The following DMXL2 variants were observed in gnomAD, a reference collection of about 807,000 sequenced individuals.
DMXL2 encodes the protein Dmx like 2, also known as dmX-like protein 2.
In DMXL2, 103 loss-of-function variants were observed where a neutral mutation model predicts 331.1. The ratio of observed to expected loss-of-function variants is 0.31; its 90% CI spans 0.27 to 0.37. DMXL2 has a LOEUF of 0.37. Among genes scored for constraint, DMXL2 ranks in the 10% least tolerant of loss-of-function variants. DMXL2 has a pLI of 1.00. For synonymous variants in DMXL2, 1,281 were observed against 1,252.1 expected, an observed-to-expected ratio of 1.02 and a Z score of -0.49; for missense variants, 3,171 against 3,642.9, an observed-to-expected ratio of 0.87 and a Z score of 3.33.
In DMXL2 at chr15:51,569,374, G is replaced by A. The variant is rs527859286; in HGVS notation, c.214-816C>T. ...CACAGCTCCCCGAGACAGAGCACGT[G>A]GGGGAAGGGGCGGCTGCAGGCACAG... On this transcript the variant is annotated intron_variant, in intron 2 of 43. Transcript: ENST00000560891. Among the ~76,000 whole-genome samples the A allele has an allele frequency of 2.9e-4, 44 of 152,238 alleles. 1 individual carries two copies. In the East Asian group the frequency reaches 8.3e-3, roughly 29 times the overall value.
At chr15:51,572,972 A>G (rs1004120358) in intron 2 of DMXL2, among the ~76,000 whole-genome samples, 7 of 152,232 alleles carry the variant, frequency 4.6e-5, no homozygotes, top group African/African-American at 1.7e-4. Flanking sequence ...AGGGTATTCA[A>G]TTAGGAAGAG....
chr15:51,581,421 T>C (rs925674716), intron 1 of DMXL2, among the ~76,000 whole-genome samples: 1 of 152,126 alleles, frequency 6.6e-6, no homozygotes, highest in Non-Finnish European at 1.5e-5. Flanking sequence ...TAATGAACAA[T>C]GCAAATTTTG....
At chr15:51,464,600 T>C (rs1238266690) in intron 32 of DMXL2, 75 bp downstream of exon 32, 14 of 1,234,874 alleles carry the variant, frequency 1.1e-5, no homozygotes, top group East Asian at 7.1e-5. Flanking sequence ...TTAAAGTATA[T>C]TGGCATATTT....
chr15:51,456,589 G>C (rs1386931452), intron 37 of DMXL2, among the ~76,000 whole-genome samples: 1 of 152,140 alleles, frequency 6.6e-6, no homozygotes, highest in African/African-American at 2.4e-5. Flanking sequence ...AGGTTACCAA[G>C]GAGCTTCATC....
chr15:51,558,000 T>C (rs952949781), intron 6 of DMXL2, among the ~76,000 whole-genome samples: 2 of 152,250 alleles, frequency 1.3e-5, no homozygotes, highest in African/African-American at 2.4e-5. Flanking sequence ...AAAGATACTT[T>C]TGACACATCA....
At chr15:51,502,039 G>A (rs1331069512) in intron 17 of DMXL2, among the ~76,000 whole-genome samples, 4 of 149,354 alleles carry the variant, frequency 2.7e-5, no homozygotes, top group African/African-American at 4.9e-5. Context: ...GACCATCCTG[G>A]CTAACACGGT....
At chr15:51,489,904 CAT>C (rs1440160147) in intron 20 of DMXL2, among the ~76,000 whole-genome samples, 5 of 152,232 alleles carry the variant, frequency 3.3e-5, no homozygotes, top group East Asian at 1.9e-4. Flanking sequence ...GGAAATAAAT[CAT>C]GTGTATATTA....
rs781292284 is a variant in DMXL2, at chr15:51,499,727, T to G, written c.3497A>C (p.Lys1166Thr). 1 of 1,614,140 alleles carries G rather than the reference T, an allele frequency of 6.2e-7. No homozygotes were observed. Among genetic ancestry groups the G allele is most frequent in the Admixed American group, 1.7e-5 (1 of 60,024 alleles). Residue 1166 changes from lysine to threonine, a missense_variant, in exon 18 of 44, where the codon AAA becomes ACA. Transcript: ENST00000560891. ...TACCCAGTCCAAATGTACTAAATGT[T>G]TGATATTCGGAATAAGATATCTATC... is the stretch of plus-strand genomic sequence containing the variant. ...SKDRYLIPNI[K>T]HLVHLDWVSK...
In DMXL2 at chr15:51,474,329, T is replaced by A. The variant is rs772171597; in HGVS notation, c.7213+15A>T. The stretch of plus-strand genomic sequence containing the variant: ...TTAACATTTACATACATTACTGGTA[T>A]CAAACGTATCTTACCTGAAATATTT... On this transcript the variant is annotated intron_variant, in intron 28 of 43. Coordinates refer to ENST00000560891, the MANE Select transcript of DMXL2 (RefSeq NM_001378457.1). 1.9e-6 allele frequency: 3 copies of A among 1,594,672 alleles called. No individual in the cohort carries two copies. The South Asian group carries it at 3.3e-5, about 18-fold the overall frequency.
intron 3 of DMXL2, chr15:51,568,067 AC>A (rs1373196826): frequency 6.1e-6 from 1 of 164,310 alleles, no homozygotes; most frequent in Admixed American, 6.5e-5. Flanking sequence ...ATACAGTGCG[AC>A]CCTGTCTCAA....
intron 1 of DMXL2, among the ~76,000 whole-genome samples, chr15:51,585,134 T>C (rs1032682187): frequency 3.7e-5 from 3 of 81,028 alleles, no homozygotes; most frequent in South Asian, 4.8e-4. Context: ...TTCTCCTGCC[T>C]GATTGCCCTG....
At chr15:51,552,975 T>C (rs6493505) in intron 6 of DMXL2, among the ~76,000 whole-genome samples, 72,051 of 151,764 alleles carry the variant, frequency 0.47, 17,452 homozygotes, top group Non-Finnish European at 0.52. Context: ...TTTGTTCCCT[T>C]GGCCAAAAAC....
At chr15:51,586,239 C>T (rs1458490063) in intron 1 of DMXL2, among the ~76,000 whole-genome samples, 1 of 152,080 alleles carries the variant, frequency 6.6e-6, no homozygotes, top group Non-Finnish European at 1.5e-5. Flanking sequence ...GTGTGGTAAT[C>T]AAAGGGACTG....
intron 14 of DMXL2, 71 bp downstream of exon 14, chr15:51,517,005 CAT>C (rs2047073240): frequency 2.7e-6 from 3 of 1,131,656 alleles, no homozygotes; most frequent in Middle Eastern, 2.0e-4. Flanking sequence ...CTGAGAATGA[CAT>C]ATATCATATA....
intron 13 of DMXL2, among the ~76,000 whole-genome samples, chr15:51,530,073 ACT>A (rs1435372490): frequency 2.6e-5 from 4 of 152,048 alleles, no homozygotes; most frequent in African/African-American, 9.7e-5. Flanking sequence ...CATGATGAAA[ACT>A]CTAAAAAAAG....
intron 37 of DMXL2, 51 bp downstream of exon 37, chr15:51,457,277 G>C: frequency 1.3e-6 from 2 of 1,583,804 alleles, no homozygotes; most frequent in Non-Finnish European, 1.7e-6. Context: ...GATTCCAACT[G>C]ATTTTTCAGA....
At chr15:51,468,528 T>G (rs2140292467) in intron 29 of DMXL2, among the ~76,000 whole-genome samples, 2 of 152,302 alleles carry the variant, frequency 1.3e-5, no homozygotes, top group South Asian at 4.1e-4. Context: ...TGAAGGATGC[T>G]TGGGAACCAA....
At chr15:51,509,247 T>C (rs1047903312) in intron 15 of DMXL2, among the ~76,000 whole-genome samples, 24 of 151,352 alleles carry the variant, frequency 1.6e-4, no homozygotes, top group African/African-American at 5.8e-4. Flanking sequence ...AAAAAACCCT[T>C]CCAAAAATCA....
intron 1 of DMXL2, among the ~76,000 whole-genome samples, chr15:51,593,891 G>C (rs2052588265): frequency 6.6e-6 from 1 of 152,306 alleles, no homozygotes; most frequent in South Asian, 2.1e-4. Flanking sequence ...TGACATACCA[G>C]AATCTCTGGG....
Sources: gnomAD v4.1 joint callset for allele counts (sites outside exome capture counted in the v4.1 genomes callset) on GRCh38, gnomAD v4.1.1 for gene constraint, MANE v1.5 for transcripts, NCBI Gene and HGNC (gene_info 2026-07-23, HGNC 2026-07-21) for gene names.